The following VHL variants were observed in gnomAD, a reference collection of about 807,000 sequenced individuals.
VHL encodes von Hippel-Lindau disease tumor suppressor.
In VHL, 10 loss-of-function variants were observed where a neutral mutation model predicts 19.2. The ratio of observed to expected loss-of-function variants is 0.52; its 90% CI spans 0.32 to 0.89. The LOEUF (loss-of-function observed/expected upper bound fraction) is 0.89, where lower values mean the gene tolerates loss of function less well. Among genes scored for constraint, VHL ranks in the 40% least tolerant of loss-of-function variants. VHL has a pLI of 0.03. For synonymous variants in VHL, 167 were observed against 129.5 expected (o/e 1.29, Z -1.97); for missense variants, 328 against 292.7 (o/e 1.12, Z -0.88).
rs1158847671 is a variant in VHL at position 10,153,077 on chromosome 3, C to T, written c.*3112C>T. 6.6e-6 allele frequency among the ~76,000 whole-genome samples: 1 copy of T among 152,024 alleles called. No homozygotes were observed. The highest frequency in any genetic ancestry group is 6.6e-5 in the Admixed American group (1 of 15,262). ...GGATCACGAGGTCAGGAAATCGAGA[C>T]CATCCTGGCTAACACGGGTGAAACC... is the stretch of plus-strand genomic sequence containing the variant. On this transcript the variant is annotated 3_prime_UTR_variant, in exon 3 of 3. Coordinates refer to ENST00000256474, the MANE Select transcript of VHL (RefSeq NM_000551.4).
intron 1 of VHL, among the ~76,000 whole-genome samples, chr3:10,144,950 A>C (rs1696220384): frequency 6.6e-6 from 1 of 152,136 alleles, no homozygotes; most frequent in African/African-American, 2.4e-5. Flanking sequence ...TAAAATGGTA[A>C]ATGTTTGAGG....
At chr3:10,149,691 C>T in intron 2 of VHL, 96 bp from the exon 3 acceptor site, 1 of 1,064,242 alleles carries the variant, frequency 9.4e-7, no homozygotes, top group South Asian at 1.3e-5. Context: ...AAGTGAGATC[C>T]ATCAGTAGTA....
At chr3:10,144,479 C>G (rs569604252) in intron 1 of VHL, among the ~76,000 whole-genome samples, 1 of 146,648 alleles carries the variant, frequency 6.8e-6, no homozygotes, top group African/African-American at 2.5e-5. Flanking sequence ...CAGCAAGACC[C>G]TGTCTCTCTA....
intron 2 of VHL, among the ~76,000 whole-genome samples, chr3:10,147,370 T>TG (rs1696287382): frequency 2.1e-5 from 1 of 47,494 alleles, no homozygotes; most frequent in Non-Finnish European, 4.1e-5. Context: ...TTTTTTTTTT[T>TG]TTTATTTTTA....
At chr3:10,143,306 T>G (rs1396168816) in intron 1 of VHL, among the ~76,000 whole-genome samples, 1 of 151,790 alleles carries the variant, frequency 6.6e-6, no homozygotes, top group Non-Finnish European at 1.5e-5. Flanking sequence ...AATTTTTTTT[T>G]TAGTAGAGAC....
At chr3:10,143,683 G>C (rs1049853990) in intron 1 of VHL, among the ~76,000 whole-genome samples, 2 of 151,958 alleles carry the variant, frequency 1.3e-5, no homozygotes, top group African/African-American at 2.4e-5. Flanking sequence ...TCCTGCGCTC[G>C]TGATCTGCCT....
rs1442374208 is a variant in VHL at position 10,150,806 on chromosome 3, G to A, written c.*841G>A. 1 of 232,782 alleles carries A rather than the reference G, an allele frequency of 4.3e-6. No individual in the cohort carries two copies. The highest frequency in any genetic ancestry group is 6.0e-5 in the East Asian group (1 of 16,542). The allele number at this position is 232,782 out of a possible 1,614,324, so 14.4% of individuals were successfully genotyped here. On this transcript the variant is annotated 3_prime_UTR_variant, in exon 3 of 3. Transcript: ENST00000256474. The stretch of plus-strand genomic sequence containing the variant: ...GATTATAGTATTAATGGACAAATAA[G>A]TTTTTGCTAAATGTGAGTATTTCTG...
rs417164 is a variant in VHL, at chr3:10,141,961, C to T, written c.114C>T (p.Ser38=). 4.3e-5 allele frequency: 66 copies of T among 1,549,742 alleles called. No individual in the cohort carries two copies. In the Middle Eastern group the frequency reaches 1.9e-3, roughly 45 times the overall value. Residue 38 remains serine, a synonymous_variant, in exon 1 of 3, where the codon TCC becomes TCT. Coordinates refer to ENST00000256474, the MANE Select transcript of VHL (RefSeq NM_000551.4). ...DGGEESGAEE[S]GPEESGPEEL... ...GGGAGGAGTCGGGCGCCGAGGAGTC[C>T]GGCCCGGAAGAGTCCGGCCCGGAGG...
At chr3:10,145,983 C>G (rs1216133898) in intron 1 of VHL, among the ~76,000 whole-genome samples, 1 of 124,154 alleles carries the variant, frequency 8.1e-6, no homozygotes, top group Non-Finnish European at 1.7e-5. Context: ...TGCTTACTGT[C>G]TTATACCTTG....
Position 10,149,908 on chromosome 3 carries a change from G to C in VHL, c.585G>C (p.Gln195His), listed in dbSNP as rs878854128. Residue 195 changes from glutamine (Q) to histidine (H), a missense_variant, in exon 3 of 3, where the codon CAG (glutamine) becomes CAC (histidine). Physicochemically the swap from Gln to His is conservative, Grantham distance 24 (BLOSUM62 0). Transcript: ENST00000256474. Reference protein sequence around the residue: ...YEDLEDHPNVQKDLERLTQER... With the variant: ...YEDLEDHPNVHKDLERLTQER... ...ATCTGGAAGACCACCCAAATGTGCA[G>C]AAAGACCTGGAGCGGCTGACACAGG... The C allele has an allele frequency of 3.7e-6, 6 of 1,614,214 alleles. No individual in the cohort carries two copies. The highest frequency in any genetic ancestry group is 1.1e-5 in the South Asian group (1 of 91,084).
chr3:10,150,457 A>C lies in VHL; in HGVS notation c.*492A>C, dbSNP rs1349888000. 2.6e-6 allele frequency: 2 copies of C among 765,160 alleles called. No homozygotes were observed. The highest frequency in any genetic ancestry group is 3.5e-6 in the Non-Finnish European group (2 of 579,156). 47.4% of individuals were successfully genotyped at this position (765,160 alleles called of 1,614,324 possible). On this transcript the variant is annotated 3_prime_UTR_variant, in exon 3 of 3. Coordinates refer to ENST00000256474, the MANE Select transcript of VHL (RefSeq NM_000551.4). ...CTCTTTGAGACCCCAGTGCCTGCAC[A>C]TCATGAGCCTTCAGTCAGGGTTTGT...
chr3:10,151,487 T>G lies in VHL; in HGVS notation c.*1522T>G. The G allele has an allele frequency of 4.4e-6, 1 of 225,828 alleles. No homozygotes were observed. Among genetic ancestry groups the G allele is most frequent in the East Asian group, 6.5e-5 (1 of 15,464 alleles). 14.0% of individuals were successfully genotyped at this position (225,828 alleles called of 1,614,324 possible). On this transcript the variant is annotated 3_prime_UTR_variant, in exon 3 of 3. Coordinates refer to ENST00000256474, the MANE Select transcript of VHL (RefSeq NM_000551.4). The stretch of plus-strand genomic sequence containing the variant: ...TAAAAAGGAAGAAAAAAGATCCCTA[T>G]TAGATACACTTCTTAAATACAATCA...
chr3:10,148,989 C>A (rs1234346191), intron 2 of VHL, among the ~76,000 whole-genome samples: 4 of 152,034 alleles, frequency 2.6e-5, no homozygotes, highest in Non-Finnish European at 4.4e-5. Flanking sequence ...TTTATTTGTT[C>A]ATAATTCTGT....
rs377715747 is a variant in VHL at position 10,149,861 on chromosome 3, A to G, written c.538A>G (p.Ile180Val). Residue 180 changes from isoleucine (I) to valine (V), a missense_variant, in exon 3 of 3, where the codon ATC becomes GTC. Coordinates refer to ENST00000256474, the MANE Select transcript of VHL (RefSeq NM_000551.4). ...VKPENYRRLD[I>V]VRSLYEDLED... The stretch of plus-strand genomic sequence containing the variant: ...GCCTGAGAATTACAGGAGACTGGAC[A>G]TCGTCAGGTCGCTCTACGAAGATCT... The G allele has an allele frequency of 3.2e-5, 52 of 1,614,114 alleles. No individual in the cohort carries two copies. The highest frequency in any genetic ancestry group is 3.9e-5 in the Non-Finnish European group (46 of 1,180,050).
At chr3:10,147,669 T>G (rs958979646) in intron 2 of VHL, among the ~76,000 whole-genome samples, 3 of 150,764 alleles carry the variant, frequency 2.0e-5, no homozygotes, top group Non-Finnish European at 2.9e-5. Context: ...CCAGCCTGTT[T>G]TTTTTTTTTT....
chr3:10,143,453 G>A (rs1413746264), intron 1 of VHL, among the ~76,000 whole-genome samples: 1 of 151,974 alleles, frequency 6.6e-6, no homozygotes, highest in African/African-American at 2.4e-5. Context: ...CAGTATTTAT[G>A]TATATATATT....
intron 1 of VHL, among the ~76,000 whole-genome samples, chr3:10,143,483 C>A (rs1190837047): frequency 1.3e-5 from 2 of 152,100 alleles, no homozygotes; most frequent in African/African-American, 4.8e-5. Flanking sequence ...GAGTCTGGAT[C>A]TGTCGCCAGA....
At position 10,142,126 on chromosome 3, in the gene VHL, C is replaced by T. The variant is rs1696136079; in HGVS notation, c.279C>T (p.Gly93=). 2 of 1,600,254 alleles carry T rather than the reference C, an allele frequency of 1.2e-6. No individual in the cohort carries two copies. Among genetic ancestry groups the T allele is most frequent in the Non-Finnish European group, 1.7e-6 (2 of 1,179,576 alleles). The change falls in exon 1 of 3, where the codon GGC becomes GGT. Residue 93 remains glycine (G), a synonymous_variant. Transcript: ENST00000256474. ...VVLPVWLNFD[G]EPQPYPTLPP... is the part of the protein sequence containing the mutation. ...TGCCCGTATGGCTCAACTTCGACGG[C>T]GAGCCGCAGCCCTACCCAACGCTGC...
chr3:10,148,350 T>C (rs1204054859), intron 2 of VHL, among the ~76,000 whole-genome samples: 2 of 145,610 alleles, frequency 1.4e-5, no homozygotes, highest in Non-Finnish European at 3.0e-5. Flanking sequence ...AGTCTCGCTC[T>C]GTCGCCCAGG....
Sources: gnomAD v4.1 joint callset for allele counts (sites outside exome capture counted in the v4.1 genomes callset) on GRCh38, gnomAD v4.1.1 for gene constraint, MANE v1.5 for transcripts, NCBI Gene and HGNC (gene_info 2026-07-23, HGNC 2026-07-21) for gene names.